KATNIP: variants seen among roughly 807,000 people sequenced by gnomAD.
KATNIP encodes the protein katanin-interacting protein.
KATNIP carries 126 observed loss-of-function variants against 174.0 expected under a neutral mutation model. The ratio of observed to expected loss-of-function variants is 0.72; its 90% CI spans 0.63 to 0.84. The LOEUF is 0.84. KATNIP is among the 40% of genes least tolerant of loss of function. The pLI, the probability that KATNIP is intolerant of heterozygous loss-of-function variation, is 0.00. For synonymous variants in KATNIP, 810 were observed against 835.7 expected, an observed-to-expected ratio of 0.97 and a Z score of 0.53; for missense variants, 1,958 against 2,109.7, an observed-to-expected ratio of 0.93 and a Z score of 1.41.
chr16:27,690,442 C>T (rs2078691322), intron 8 of KATNIP, among the ~76,000 whole-genome samples: 1 of 152,048 alleles, frequency 6.6e-6, no homozygotes, highest in South Asian at 2.1e-4. Context: ...GCTAGAGAAA[C>T]AGACACTAGC....
rs1277615598 is a variant in KATNIP at position 27,593,239 on chromosome 16, CT to C, written c.63+19298del. On this transcript the variant is annotated intron_variant, in intron 2 of 27. Coordinates refer to ENST00000261588, the MANE Select transcript of KATNIP (RefSeq NM_015202.5). ...ACCCCTTAAACACCCACCCCCCACC[CT>C]TTTTTTTTTTTTTTGTCTGAGACGG... 3.9e-3 allele frequency among the ~76,000 whole-genome samples: 356 copies of C among 90,598 alleles called. 2 individuals carry two copies. The highest frequency in any genetic ancestry group is 7.0e-3 in the African/African-American group (170 of 24,148). The allele number at this position is 90,598 out of a possible 152,430, so 59.4% of individuals were successfully genotyped here. A position where few individuals can be genotyped will look rare whatever the true frequency, so the allele number is the denominator to read the frequency against.
intron 15 of KATNIP, among the ~76,000 whole-genome samples, chr16:27,745,032 A>G (rs944995507): frequency 6.6e-5 from 10 of 152,256 alleles, no homozygotes; most frequent in Admixed American, 6.5e-4. Flanking sequence ...CTTTAAAAAA[A>G]GAGAGCAAGA....
intron 13 of KATNIP, among the ~76,000 whole-genome samples, chr16:27,717,403 A>G (rs1176158734): frequency 1.3e-5 from 2 of 152,224 alleles, no homozygotes; most frequent in Admixed American, 6.5e-5. Flanking sequence ...ACCTGCTCAG[A>G]GAAGCCTGCT....
rs1175699173 is a variant in KATNIP at position 27,631,170 on chromosome 16, G to A, written c.408+8G>A. 2 of 1,555,208 alleles carry A rather than the reference G, an allele frequency of 1.3e-6. No homozygotes were observed. The highest frequency in any genetic ancestry group is 1.7e-6 in the Non-Finnish European group (2 of 1,146,810). ...CGCCGAGGATGGCACCAGGTCTGGAGACTGTGGCCCCAGCCCACGCTTTAG... is the reference window on the plus strand; with the variant it reads ...CGCCGAGGATGGCACCAGGTCTGGAAACTGTGGCCCCAGCCCACGCTTTAG... On this transcript the variant is annotated splice_region_variant and intron_variant, in intron 5 of 27. Transcript: ENST00000261588.
intron 5 of KATNIP, among the ~76,000 whole-genome samples, chr16:27,644,063 C>T (rs1322122225): frequency 6.7e-6 from 1 of 149,296 alleles, no homozygotes; most frequent in African/African-American, 2.5e-5. Flanking sequence ...ACTCTGTTGC[C>T]CAGGCTGGAG....
intron 2 of KATNIP, among the ~76,000 whole-genome samples, chr16:27,594,290 G>C (rs2075268085): frequency 6.6e-6 from 1 of 151,754 alleles, no homozygotes; most frequent in Non-Finnish European, 1.5e-5. Context: ...CTTGTTCCTG[G>C]TCTGTCTGAT....
chr16:27,728,787 T>C (rs1597315164), intron 14 of KATNIP, among the ~76,000 whole-genome samples: 1 of 152,170 alleles, frequency 6.6e-6, no homozygotes, highest in Non-Finnish European at 1.5e-5. Context: ...AGAGCCAGGC[T>C]CTACTCCTAA....
At chr16:27,720,342 C>G (rs949773172) in intron 13 of KATNIP, among the ~76,000 whole-genome samples, 1 of 152,066 alleles carries the variant, frequency 6.6e-6, no homozygotes, top group Non-Finnish European at 1.5e-5. Context: ...CCACCTGCCT[C>G]CACCTCCCAA....
intron 15 of KATNIP, among the ~76,000 whole-genome samples, chr16:27,745,358 C>A (rs568457233): frequency 2.6e-5 from 4 of 152,256 alleles, no homozygotes; most frequent in Non-Finnish European, 5.9e-5. Context: ...CCCTCACTTT[C>A]CTCACGATAT....
chr16:27,638,672 C>T (rs78842647), intron 5 of KATNIP, among the ~76,000 whole-genome samples: 1,576 of 152,094 alleles, frequency 0.01, 24 homozygotes, highest in African/African-American at 0.035. Context: ...TGGGGCCACA[C>T]GGTCGCCTTG....
chr16:27,673,772 G>A (rs2078008805), intron 6 of KATNIP, among the ~76,000 whole-genome samples: 2 of 152,164 alleles, frequency 1.3e-5, no homozygotes, highest in African/African-American at 4.8e-5. Context: ...ATTCTGCAAG[G>A]TAGGGATTTG....
chr16:27,601,425 T>C (rs1489116207), intron 2 of KATNIP, among the ~76,000 whole-genome samples: 3 of 152,054 alleles, frequency 2.0e-5, no homozygotes, highest in Non-Finnish European at 2.9e-5. Flanking sequence ...GAGGGAAACA[T>C]TGCAGGCAGG....
At chr16:27,697,924 T>C (rs1460449354) in intron 8 of KATNIP, among the ~76,000 whole-genome samples, 2 of 152,160 alleles carry the variant, frequency 1.3e-5, no homozygotes, top group African/African-American at 2.4e-5. Flanking sequence ...GCAGACATCA[T>C]TCCCCTTTAC....
At chr16:27,628,939 G>T (rs1456815960) in intron 4 of KATNIP, 109 bp downstream of exon 4, 1 of 1,155,574 alleles carries the variant, frequency 8.7e-7, no homozygotes, top group Non-Finnish European at 1.2e-6. Context: ...AGGCTGAGGC[G>T]GGTGGATCAC....
intron 2 of KATNIP, among the ~76,000 whole-genome samples, chr16:27,599,582 C>T (rs1240140731): frequency 6.6e-6 from 1 of 152,332 alleles, no homozygotes; most frequent in Non-Finnish European, 1.5e-5. Context: ...TCTTTCCAGC[C>T]TGTCACCAAG....
chr16:27,588,867 G>T, intron 2 of KATNIP, among the ~76,000 whole-genome samples: 1 of 143,472 alleles, frequency 7.0e-6, no homozygotes, highest in Admixed American at 7.2e-5. Context: ...TTCTATTTAT[G>T]CAACTCTATT....
At chr16:27,721,122 C>A (rs1042033515) in intron 13 of KATNIP, among the ~76,000 whole-genome samples, 2 of 152,154 alleles carry the variant, frequency 1.3e-5, no homozygotes, top group African/African-American at 4.8e-5. Context: ...TCTTTCTTTT[C>A]TATTTTAAAA....
At chr16:27,723,582 T>G (rs529157135) in intron 14 of KATNIP, among the ~76,000 whole-genome samples, 1 of 151,634 alleles carries the variant, frequency 6.6e-6, no homozygotes, top group African/African-American at 2.4e-5. Flanking sequence ...CTCTTAAGAG[T>G]CATCTCCACC....
intron 6 of KATNIP, among the ~76,000 whole-genome samples, chr16:27,676,413 A>G (rs544355657): frequency 9.9e-5 from 15 of 152,234 alleles, no homozygotes; most frequent in Admixed American, 7.2e-4. Context: ...TAAGATGGTA[A>G]AAGTGTTCTA....
Sources: gnomAD v4.1 joint callset for allele counts (sites outside exome capture counted in the v4.1 genomes callset) on GRCh38, gnomAD v4.1.1 for gene constraint, MANE v1.5 for transcripts, NCBI Gene and HGNC (gene_info 2026-07-23, HGNC 2026-07-21) for gene names.